KLC1: variants seen among roughly 807,000 people sequenced by gnomAD.
KLC1 encodes the protein kinesin 2 60/70kDa.
KLC1 carries 30 observed loss-of-function variants against 84.2 expected under a neutral mutation model. That is an observed-to-expected ratio of 0.36 (90% CI 0.27 to 0.48). KLC1 has a LOEUF of 0.48. Among genes scored for constraint, KLC1 ranks in the 20% least tolerant of loss-of-function variants. KLC1 has a pLI of 0.99. For missense variants in KLC1, 499 were observed against 805.4 expected, an observed-to-expected ratio of 0.62 and a Z score of 4.60; for synonymous variants, 289 against 293.3, an observed-to-expected ratio of 0.99 and a Z score of 0.15.
chr14:103,672,070 A>G (rs2080430555), intron 7 of KLC1, among the ~76,000 whole-genome samples: 1 of 152,230 alleles, frequency 6.6e-6, no homozygotes, highest in African/African-American at 2.4e-5. Context: ...CAGAGGGCAC[A>G]TCAGCATCTA....
intron 2 of KLC1, among the ~76,000 whole-genome samples, chr14:103,657,032 T>C (rs2078887395): frequency 6.6e-6 from 1 of 152,158 alleles, no homozygotes; most frequent in Non-Finnish European, 1.5e-5. Flanking sequence ...AGTGCACCAG[T>C]GCATTCTTAC....
rs114832059 is a variant in KLC1, at chr14:103,647,514, C to T, written c.-1-7050C>T. Among the ~76,000 whole-genome samples, 110 of 152,078 alleles carry T rather than the reference C, an allele frequency of 7.2e-4. 1 individual carries two copies. The highest frequency in any genetic ancestry group is 2.4e-3 in the African/African-American group (101 of 41,514). On this transcript the variant is annotated intron_variant, in intron 1 of 16. Transcript: ENST00000334553. The stretch of plus-strand genomic sequence containing the variant: ...CAAAGTGGTGGGATTACAGGGAGAG[C>T]CACTGTGCCTTACCCAGAAACTTTT...
Position 103,693,861 on chromosome 14 carries a change from C to T in KLC1, c.1848+1436C>T. 7.3e-7 allele frequency: 1 copy of T among 1,369,192 alleles called. No individual in the cohort carries two copies. Among genetic ancestry groups the T allele is most frequent in the Non-Finnish European group, 9.4e-7 (1 of 1,063,626 alleles). 84.8% of individuals were successfully genotyped at this position (1,369,192 alleles called of 1,614,324 possible). ...CGACCGCGACCCGGCCAGGCTGGCT[C>T]AGGGAGGCCGAGGTGGCGCTGAGGT... On this transcript the variant is annotated intron_variant, in intron 15 of 16. Transcript: ENST00000334553. The surrounding 1 kb of genome is among the most constrained non-coding windows in gnomAD (Gnocchi z 5.1).
chr14:103,676,945 C>T (rs1165062078), intron 11 of KLC1, among the ~76,000 whole-genome samples: 1 of 152,216 alleles, frequency 6.6e-6, no homozygotes, highest in Non-Finnish European at 1.5e-5. Context: ...CATTTATCCT[C>T]TGCCCTCACA....
chr14:103,687,027 G>A, intron 13 of KLC1, 54 bp from the exon 14 acceptor site: 2 of 1,454,100 alleles, frequency 1.4e-6, no homozygotes, highest in Non-Finnish European at 1.9e-6. Flanking sequence ...TGTGGCTCTT[G>A]TGGGAAGGAG....
At chr14:103,644,602 T>C (rs999655567) in intron 1 of KLC1, among the ~76,000 whole-genome samples, 3 of 152,060 alleles carry the variant, frequency 2.0e-5, no homozygotes, top group Middle Eastern at 3.4e-3. Context: ...GTATAGAGAA[T>C]ATTCTCTGGG....
chr14:103,674,088 T>A (rs1249530507), intron 9 of KLC1, among the ~76,000 whole-genome samples: 2 of 152,148 alleles, frequency 1.3e-5, no homozygotes, highest in African/African-American at 2.4e-5. Context: ...AAATCCATCT[T>A]CATGTCCTCA....
At chr14:103,676,782 G>A (rs1013649907) in intron 11 of KLC1, among the ~76,000 whole-genome samples, 25 of 152,142 alleles carry the variant, frequency 1.6e-4, no homozygotes, top group African/African-American at 5.8e-4. Context: ...ATGAATCTAG[G>A]TTTATTTATA....
chr14:103,679,977 T>G (rs955592411), intron 13 of KLC1, among the ~76,000 whole-genome samples: 1 of 152,246 alleles, frequency 6.6e-6, no homozygotes, highest in African/African-American at 2.4e-5. Context: ...GAGATGCTGT[T>G]TAAGTGGAAT....
At chr14:103,653,778 A>C (rs1364420065) in intron 1 of KLC1, among the ~76,000 whole-genome samples, 1 of 152,208 alleles carries the variant, frequency 6.6e-6, no homozygotes, top group Non-Finnish European at 1.5e-5. Flanking sequence ...ACTGCTCACT[A>C]TCTTTCTGTT....
Position 103,654,676 on chromosome 14 carries a change from T to C in KLC1, c.112T>C (p.Leu38=), listed in dbSNP as rs1567017498. ...GCAAGTAATTCAGGGGCTGGAAGCTTTGAAGAATGAGCACAATTCCATTTT... is the reference window on the plus strand; with the variant it reads ...GCAAGTAATTCAGGGGCTGGAAGCTCTGAAGAATGAGCACAATTCCATTTT... ...TKQVIQGLEA[L]KNEHNSILQS... The change falls in exon 2 of 17, where the codon TTG becomes CTG. Residue 38 remains leucine (L), a synonymous_variant. Coordinates refer to ENST00000334553, the MANE Select transcript of KLC1 (RefSeq NM_001394837.1). The C allele has an allele frequency of 6.2e-7, 1 of 1,614,176 alleles. No individual in the cohort carries two copies. The highest frequency in any genetic ancestry group is 8.5e-7 in the Non-Finnish European group (1 of 1,180,034).
At chr14:103,696,065 C>G in intron 15 of KLC1, 1 of 981,244 alleles carries the variant, frequency 1.0e-6, no homozygotes, top group African/African-American at 1.8e-5. Flanking sequence ...CCTGTTTCTT[C>G]AGAGTTGCTG....
intron 1 of KLC1, among the ~76,000 whole-genome samples, chr14:103,643,148 T>C (rs1020768647): frequency 7.2e-5 from 11 of 152,244 alleles, no homozygotes; most frequent in Admixed American, 6.5e-4. Flanking sequence ...CATATTGATA[T>C]AAATAATTAC....
rs114304592 is a variant in KLC1, at chr14:103,633,577, T to C, written c.-2+4083T>C. Among the ~76,000 whole-genome samples the C allele has an allele frequency of 6.3e-3, 963 of 152,150 alleles. 9 individuals carry two copies. Among genetic ancestry groups the C allele is most frequent in the African/African-American group, 0.022 (927 of 41,498 alleles). ...TGGAGCTGATTTGGGGCTGACTGGA[T>C]TGGGGTAAATGAGGAGCTGCAGGGA... On this transcript the variant is annotated intron_variant, in intron 1 of 16. Transcript: ENST00000334553.
At chr14:103,651,202 G>T (rs1297111141) in intron 1 of KLC1, among the ~76,000 whole-genome samples, 1 of 152,058 alleles carries the variant, frequency 6.6e-6, no homozygotes, top group South Asian at 2.1e-4. Context: ...GTAGAAACGG[G>T]TTTCACCATG....
chr14:103,632,265 A>G (rs1306138167), intron 1 of KLC1, among the ~76,000 whole-genome samples: 110 of 151,854 alleles, frequency 7.2e-4, no homozygotes, highest in Non-Finnish European at 2.4e-4. Context: ...GTCCCTACCA[A>G]AAATACAAAA....
At chr14:103,631,628 C>T (rs781357156) in intron 1 of KLC1, among the ~76,000 whole-genome samples, 1 of 152,028 alleles carries the variant, frequency 6.6e-6, no homozygotes, top group Non-Finnish European at 1.5e-5. Flanking sequence ...AGATGAGTCT[C>T]ACTGTGTGGC....
intron 14 of KLC1, 34 bp from the exon 15 acceptor site, chr14:103,692,325 C>G (rs776091274): frequency 1.3e-6 from 2 of 1,532,532 alleles, no homozygotes; most frequent in South Asian, 1.2e-5. Context: ...ATGTGCTGAT[C>G]GTTTGTCCTT....
intron 13 of KLC1, chr14:103,686,113 T>TG (rs1477179730): frequency 1.0e-6 from 1 of 992,364 alleles, no homozygotes; most frequent in Non-Finnish European, 1.2e-6. Flanking sequence ...TAGCATTTGC[T>TG]GTGTAGTCTG....
Sources: gnomAD v4.1 joint callset for allele counts (sites outside exome capture counted in the v4.1 genomes callset) on GRCh38, gnomAD v4.1.1 for gene constraint, Gnocchi (gnomAD v3.1) non-coding constraint, MANE v1.5 for transcripts, NCBI Gene and HGNC (gene_info 2026-07-23, HGNC 2026-07-21) for gene names.